The following ADGRL3 variants were observed in gnomAD, a reference collection of about 807,000 sequenced individuals.
ADGRL3 encodes adhesion G protein-coupled receptor L3, also known as calcium-independent alpha-latrotoxin receptor 3.
Under a neutral mutation model 153.5 loss-of-function variants are expected in ADGRL3, and 62 were observed. The observed-to-expected ratio is 0.40, with a 90% confidence interval of 0.33 to 0.50. The LOEUF (loss-of-function observed/expected upper bound fraction) is 0.50, where lower values mean the gene tolerates loss of function less well. Ranked by LOEUF, ADGRL3 falls within the 20% of genes least tolerant of loss-of-function variation. ADGRL3 has a pLI of 0.47. For missense variants in ADGRL3, 1,641 were observed against 1,859.4 expected (o/e 0.88, Z 2.16); for synonymous variants, 710 against 672.5 (o/e 1.06, Z -0.86).
chr4:61,774,688 C>A (rs1256488466), intron 8 of ADGRL3, among the ~76,000 whole-genome samples: 1 of 151,838 alleles, frequency 6.6e-6, no homozygotes, highest in Admixed American at 6.6e-5. Flanking sequence ...GAAAGAGAGA[C>A]TGTATTCATA....
chr4:61,354,836 T>C (rs1321817743), intron 1 of ADGRL3, among the ~76,000 whole-genome samples: 1 of 152,130 alleles, frequency 6.6e-6, no homozygotes, highest in African/African-American at 2.4e-5. Flanking sequence ...AGTGTTCACC[T>C]TGAGTCTCTA....
At chr4:61,853,658 C>G (rs36053308) in intron 9 of ADGRL3, among the ~76,000 whole-genome samples, 36,394 of 152,166 alleles carry the variant, frequency 0.24, 5,619 homozygotes, top group Middle Eastern at 0.36. Context: ...CAGTCTCTTA[C>G]CCAAGCAAGA....
intron 4 of ADGRL3, among the ~76,000 whole-genome samples, chr4:61,541,492 A>G (rs1407867023): frequency 1.3e-5 from 2 of 151,978 alleles, no homozygotes; most frequent in African/African-American, 4.8e-5. Context: ...TGTCTAAGGA[A>G]ATATCAACAG....
intron 5 of ADGRL3, among the ~76,000 whole-genome samples, chr4:61,653,503 G>A (rs1272355850): frequency 6.6e-6 from 1 of 152,130 alleles, no homozygotes; most frequent in Non-Finnish European, 1.5e-5. Flanking sequence ...GCCTTAGAGA[G>A]AAGGAAATTT....
chr4:61,527,119 G>A (rs922763941), intron 4 of ADGRL3, among the ~76,000 whole-genome samples: 13 of 151,636 alleles, frequency 8.6e-5, no homozygotes, highest in South Asian at 2.1e-4. Context: ...TAGTACTTTC[G>A]TAATTTAAAA....
At chr4:61,371,849 C>A (rs935878426) in intron 1 of ADGRL3, among the ~76,000 whole-genome samples, 4 of 152,230 alleles carry the variant, frequency 2.6e-5, no homozygotes, top group East Asian at 1.9e-4. Context: ...TCCATTCTCC[C>A]CATCACTTTC....
chr4:62,052,652 G>T (rs1734843398), intron 25 of ADGRL3, among the ~76,000 whole-genome samples: 2 of 151,282 alleles, frequency 1.3e-5, no homozygotes, highest in Middle Eastern at 3.4e-3. Context: ...TATTTTATTT[G>T]TAGAATATTT....
intron 8 of ADGRL3, among the ~76,000 whole-genome samples, chr4:61,759,551 T>G (rs971781084): frequency 3.3e-5 from 5 of 152,268 alleles, no homozygotes; most frequent in East Asian, 1.9e-4. Flanking sequence ...TCTGCATTGG[T>G]TATTCTAGTT....
intron 1 of ADGRL3, among the ~76,000 whole-genome samples, chr4:61,208,645 A>AT: frequency 6.6e-6 from 1 of 152,252 alleles, no homozygotes; most frequent in South Asian, 2.1e-4. Context: ...GGTTATTAGC[A>AT]TTTTTTAGAG....
At chr4:61,658,991 G>A (rs1382605529) in intron 5 of ADGRL3, among the ~76,000 whole-genome samples, 1 of 152,118 alleles carries the variant, frequency 6.6e-6, no homozygotes, top group Non-Finnish European at 1.5e-5. Context: ...GTTTTAGAAG[G>A]TTCTAGGGAA....
chr4:61,588,765 A>T (rs1421839346), intron 5 of ADGRL3, among the ~76,000 whole-genome samples: 1 of 152,004 alleles, frequency 6.6e-6, no homozygotes, highest in African/African-American at 2.4e-5. Flanking sequence ...CTGATTATTT[A>T]GTTGTGTGTA....
intron 8 of ADGRL3, among the ~76,000 whole-genome samples, chr4:61,810,866 A>T (rs2097607467): frequency 6.6e-6 from 1 of 152,036 alleles, no homozygotes; most frequent in Non-Finnish European, 1.5e-5. Context: ...TCTCTGCTTT[A>T]TCTTTCTATA....
intron 25 of ADGRL3, among the ~76,000 whole-genome samples, chr4:62,056,315 T>C (rs1048506869): frequency 6.6e-6 from 1 of 151,894 alleles, no homozygotes; most frequent in Non-Finnish European, 1.5e-5. Flanking sequence ...TTTTTTCAGT[T>C]TTCTTGTTTA....
intron 2 of ADGRL3, among the ~76,000 whole-genome samples, chr4:61,402,669 C>A (rs2096943952): frequency 6.6e-6 from 1 of 152,040 alleles, no homozygotes; most frequent in African/African-American, 2.4e-5. Context: ...ATGTCAGGTT[C>A]TTTTCCTAAA....
chr4:62,042,410 GA>G (rs201652961), intron 24 of ADGRL3, among the ~76,000 whole-genome samples: 34 of 150,042 alleles, frequency 2.3e-4, no homozygotes, highest in African/African-American at 7.1e-4. Context: ...TATACCTTCA[GA>G]AAAAAAAATA....
chr4:62,009,043 A>G (rs1321588688), intron 21 of ADGRL3, among the ~76,000 whole-genome samples: 1 of 152,146 alleles, frequency 6.6e-6, no homozygotes, highest in Admixed American at 6.6e-5. Context: ...AGTAGGCTAA[A>G]CCTTTTAAGT....
intron 8 of ADGRL3, among the ~76,000 whole-genome samples, chr4:61,741,688 C>T (rs1288166761): frequency 2.6e-5 from 4 of 152,174 alleles, no homozygotes; most frequent in Non-Finnish European, 5.9e-5. Flanking sequence ...TGACATCTGC[C>T]TTTCAGGCTC....
chr4:61,646,255 T>C (rs2093978307), intron 5 of ADGRL3, among the ~76,000 whole-genome samples: 1 of 152,168 alleles, frequency 6.6e-6, no homozygotes, highest in African/African-American at 2.4e-5. Flanking sequence ...TCGGAGTAAT[T>C]TGATCGTCTG....
Position 61,812,519 on chromosome 4 carries a change from T to C in ADGRL3, c.1400-1290T>C, listed in dbSNP as rs533919654. 2.6e-5 allele frequency among the ~76,000 whole-genome samples: 4 copies of C among 152,306 alleles called. No homozygotes were observed. In the East Asian group the frequency reaches 7.7e-4, roughly 29 times the overall value. ...GAAAAGAGATTAACAACCCTGTAAA[T>C]TGCTATAGTAAATGTGTGAAATATA... On this transcript the variant is annotated intron_variant, in intron 8 of 26. Coordinates refer to ENST00000683033, the MANE Select transcript of ADGRL3 (RefSeq NM_001387552.1).
Sources: gnomAD v4.1 joint callset for allele counts (sites outside exome capture counted in the v4.1 genomes callset) on GRCh38, gnomAD v4.1.1 for gene constraint, MANE v1.5 for transcripts, NCBI Gene and HGNC (gene_info 2026-07-23, HGNC 2026-07-21) for gene names.